Variants in STPG2 observed in about 807,000 individuals in gnomAD.
The protein encoded by STPG2 is sperm tail PG-rich repeat containing 2, also known as sperm-tail PG-rich repeat-containing protein 2.
Under a neutral mutation model 54.2 loss-of-function variants are expected in STPG2, and 56 were observed. The ratio of observed to expected loss-of-function variants is 1.03; its 90% confidence interval spans 0.83 to 1.29. The LOEUF (loss-of-function observed/expected upper bound fraction) is 1.29. STPG2 is among the 50% of genes most tolerant of loss of function. The pLI is 0.00. For missense variants in STPG2, 596 were observed against 544.9 expected (o/e 1.09, Z -0.93); for synonymous variants, 200 against 181.8 (o/e 1.10, Z -0.81).
intron 8 of STPG2, among the ~76,000 whole-genome samples, chr4:97,912,665 A>G (rs1281175208): frequency 1.3e-5 from 2 of 152,238 alleles, no homozygotes; most frequent in African/African-American, 4.8e-5. Flanking sequence ...AAGGAATAAC[A>G]AAGCCTCCAA....
intron 5 of STPG2, among the ~76,000 whole-genome samples, chr4:98,001,691 A>C (rs1316381082): frequency 6.6e-6 from 1 of 152,164 alleles, no homozygotes; most frequent in Admixed American, 6.6e-5. Context: ...CTAAATGGAA[A>C]ACGGCGTACA....
chr4:97,913,614 G>C (rs767608248), intron 8 of STPG2, among the ~76,000 whole-genome samples: 1 of 152,148 alleles, frequency 6.6e-6, no homozygotes, highest in South Asian at 2.1e-4. Flanking sequence ...TCCAAGTTTG[G>C]CAATATTCCC....
At chr4:97,875,020 T>C (rs989156832) in intron 8 of STPG2, among the ~76,000 whole-genome samples, 3 of 151,966 alleles carry the variant, frequency 2.0e-5, no homozygotes, top group Non-Finnish European at 4.4e-5. Context: ...TTATATTTCA[T>C]TTATTTTATT....
At chr4:97,511,510 TAGG>T (rs199799116) in intron 4 of STPG2, among the ~76,000 whole-genome samples, 2,482 of 152,140 alleles carry the variant, frequency 0.016, 62 homozygotes, top group African/African-American at 0.057. Context: ...GCAGTCATAG[TAGG>T]AGATTTTAGT....
intron 8 of STPG2, among the ~76,000 whole-genome samples, chr4:97,921,638 G>C (rs1463405789): frequency 2.0e-5 from 3 of 151,982 alleles, no homozygotes; most frequent in Non-Finnish European, 4.4e-5. Flanking sequence ...ACATATATGG[G>C]ACATCATCAA....
intron 9 of STPG2, among the ~76,000 whole-genome samples, chr4:97,779,302 C>T (rs748358613): frequency 1.1e-4 from 17 of 152,008 alleles, no homozygotes; most frequent in Non-Finnish European, 2.2e-4. Context: ...CTTCAGTAAC[C>T]GATTCGATCA....
At chr4:97,743,994 A>T (rs970918358) in intron 9 of STPG2, among the ~76,000 whole-genome samples, 1 of 151,404 alleles carries the variant, frequency 6.6e-6, no homozygotes, top group Non-Finnish European at 1.5e-5. Flanking sequence ...AGAATAAAAA[A>T]TAATAGGACT....
intron 8 of STPG2, among the ~76,000 whole-genome samples, chr4:97,915,945 G>GT (rs1731857629): frequency 6.6e-6 from 1 of 152,134 alleles, no homozygotes; most frequent in Admixed American, 6.5e-5. Flanking sequence ...CAGTTAGAAG[G>GT]TCACTGGTGA....
At chr4:97,951,033 C>T (rs1225789832) in intron 7 of STPG2, among the ~76,000 whole-genome samples, 1 of 152,132 alleles carries the variant, frequency 6.6e-6, no homozygotes, top group African/African-American at 2.4e-5. Context: ...AATCAGCTGG[C>T]ACCATCCAGA....
chr4:97,728,696 A>T (rs1724695854), intron 9 of STPG2, among the ~76,000 whole-genome samples: 1 of 152,022 alleles, frequency 6.6e-6, no homozygotes, highest in African/African-American at 2.4e-5. Context: ...AAAAAAATTC[A>T]TAAGGAGAAT....
chr4:98,056,355 C>T (rs576962918), intron 5 of STPG2, among the ~76,000 whole-genome samples: 9 of 152,264 alleles, frequency 5.9e-5, no homozygotes, highest in Admixed American at 2.0e-4. Flanking sequence ...CCTGCTTCCC[C>T]GCCAGCTGCC....
intron 5 of STPG2, among the ~76,000 whole-genome samples, chr4:97,986,056 C>A (rs1734821729): frequency 6.6e-6 from 1 of 152,138 alleles, no homozygotes; most frequent in Admixed American, 6.6e-5. Flanking sequence ...ATGCAGAAAT[C>A]TAGTATTCAT....
At chr4:98,052,775 G>A (rs748689680) in intron 5 of STPG2, among the ~76,000 whole-genome samples, 23 of 152,110 alleles carry the variant, frequency 1.5e-4, no homozygotes, top group Non-Finnish European at 2.8e-4. Context: ...AGTAGGCATT[G>A]AACCAATGAC....
In STPG2 at chr4:98,028,230, A is replaced by C. The variant is rs142820566; in HGVS notation, c.613-46912T>G. Among the ~76,000 whole-genome samples the C allele has an allele frequency of 1.9e-3, 288 of 152,306 alleles. 2 individuals carry two copies. The highest frequency in any genetic ancestry group is 3.6e-3 in the Non-Finnish European group (245 of 68,030). On this transcript the variant is annotated intron_variant, in intron 5 of 10. Coordinates refer to ENST00000295268, the MANE Select transcript of STPG2 (RefSeq NM_174952.3). ...CTTCGAATTTGAGTGTCTTTTTCAA[A>C]TTGGATAGGTTGGAAATTTCCCGCA...
At chr4:97,689,134 A>G (rs562020235) in intron 10 of STPG2, among the ~76,000 whole-genome samples, 1 of 152,154 alleles carries the variant, frequency 6.6e-6, no homozygotes, top group Non-Finnish European at 1.5e-5. Flanking sequence ...TTTGGTCACA[A>G]AAAAGAAAAT....
rs545471373 is a variant in STPG2, at chr4:97,635,427, A to G, written c.1321-76310T>C. 4.8e-3 allele frequency among the ~76,000 whole-genome samples: 734 copies of G among 152,352 alleles called. 8 individuals carry two copies. Among genetic ancestry groups the G allele is most frequent in the African/African-American group, 0.017 (688 of 41,588 alleles). On this transcript the variant is annotated intron_variant, in intron 10 of 10. Coordinates refer to ENST00000295268, the MANE Select transcript of STPG2 (RefSeq NM_174952.3). ...ACCATTGAGACTAGGAAGAAACTGC[A>G]TCAACTAACGAGCAAAATAACCAGC...
At chr4:97,483,942 C>T (rs547812311) in intron 4 of STPG2, among the ~76,000 whole-genome samples, 2 of 151,928 alleles carry the variant, frequency 1.3e-5, no homozygotes, top group East Asian at 3.9e-4. Context: ...CATGCAAATA[C>T]ATGGCAATTA....
intron 5 of STPG2, among the ~76,000 whole-genome samples, chr4:97,988,353 C>G (rs1458126611): frequency 1.3e-5 from 2 of 152,022 alleles, no homozygotes; most frequent in Admixed American, 6.6e-5. Flanking sequence ...TTATTGCTAT[C>G]CAAAATAAAA....
chr4:97,917,736 C>G (rs1466816263), intron 8 of STPG2, among the ~76,000 whole-genome samples: 1 of 152,122 alleles, frequency 6.6e-6, no homozygotes, highest in East Asian at 1.9e-4. Flanking sequence ...CAAAAGCACA[C>G]TAAAATAGGT....
Sources: allele counts gnomAD v4.1 joint callset (sites outside exome capture counted in the v4.1 genomes callset), GRCh38; gene constraint gnomAD v4.1.1; transcripts MANE v1.5; gene names NCBI Gene and HGNC (gene_info 2026-07-23, HGNC 2026-07-21).